SCN4A: variants seen among roughly 807,000 people sequenced by gnomAD.
SCN4A encodes sodium channel protein type 4 subunit alpha.
SCN4A carries 83 observed loss-of-function variants against 162.0 expected under a neutral mutation model. The ratio of observed to expected loss-of-function variants is 0.51; its 90% confidence interval spans 0.43 to 0.61. The LOEUF (loss-of-function observed/expected upper bound fraction) is 0.61, where lower values mean the gene tolerates loss of function less well. SCN4A is among the 20% of genes least tolerant of loss of function. SCN4A has a pLI of 0.00. For synonymous variants in SCN4A, 944 were observed against 985.1 expected, an observed-to-expected ratio of 0.96 and a Z score of 0.78; for missense variants, 2,196 against 2,462.5, an observed-to-expected ratio of 0.89 and a Z score of 2.29.
chr17:63,962,908 T>C (rs1195606351), intron 10 of SCN4A, among the ~76,000 whole-genome samples: 1 of 152,188 alleles, frequency 6.6e-6, no homozygotes, highest in Non-Finnish European at 1.5e-5. Flanking sequence ...TCAGGTGACA[T>C]GGTGACCTCT....
rs747569656 is a variant in SCN4A, at chr17:63,963,744, T to C, written c.1534A>G (p.Thr512Ala). The C allele has an allele frequency of 6.2e-7, 1 of 1,609,142 alleles. No homozygotes were observed. Among genetic ancestry groups the C allele is most frequent in the Non-Finnish European group, 8.5e-7 (1 of 1,178,106 alleles). Residue 512 changes from threonine (T) to alanine (A), a missense_variant, in exon 10 of 24, where the codon ACA (threonine) becomes GCA (alanine). Physicochemically the swap from Thr to Ala is moderately conservative, Grantham distance 58. Coordinates refer to ENST00000435607, the MANE Select transcript of SCN4A (RefSeq NM_000334.4). ...GGGGCTCCCTTCTCCCCTTGCGATG[T>C]GTCCAGGCTGCCATTGCAGTCTTTG... The part of the protein sequence containing the change: ...HGKDCNGSLD[T>A]SQGEKGAPRQ...
Position 63,951,461 on chromosome 17 carries a change from T to A in SCN4A, c.2816A>T (p.Glu939Val). 1 of 1,606,726 alleles carries A rather than the reference T, an allele frequency of 6.2e-7. No individual in the cohort carries two copies. Among genetic ancestry groups the A allele is most frequent in the South Asian group, 1.1e-5 (1 of 90,948 alleles). ...AGGCTCTGAGAAAGTGTCGGTTTCCTCCTCGGTGGGCATCTCCAGGTCGGA... is the reference window on the plus strand; with the variant it reads ...AGGCTCTGAGAAAGTGTCGGTTTCCACCTCGGTGGGCATCTCCAGGTCGGA... The part of the protein sequence containing the change: ...EESDLEMPTE[E>V]ETDTFSEPED... Residue 939 changes from glutamate (E) to valine (V), a missense_variant, in exon 14 of 24, where the codon GAG becomes GTG. Glu to Val is a moderately radical substitution (Grantham distance 121). Transcript: ENST00000435607. This position sits in a 1 kb window ranked among gnomAD's most constrained non-coding sequence, Gnocchi z 4.5.
chr17:63,965,826 G>C (rs1286706454), intron 8 of SCN4A, among the ~76,000 whole-genome samples: 1 of 152,244 alleles, frequency 6.6e-6, no homozygotes, highest in Non-Finnish European at 1.5e-5. Flanking sequence ...TGGCTATCAT[G>C]AGGCCTAGGG....
intron 9 of SCN4A, 58 bp from the exon 10 acceptor site, chr17:63,963,883 T>C: frequency 6.8e-7 from 1 of 1,474,320 alleles, no homozygotes; most frequent in Non-Finnish European, 9.2e-7. Context: ...AGGGATGGAC[T>C]AATTGACCCT....
chr17:63,967,502 G>A (rs1343152503), intron 6 of SCN4A, among the ~76,000 whole-genome samples: 1 of 152,154 alleles, frequency 6.6e-6, no homozygotes, highest in Non-Finnish European at 1.5e-5. Context: ...GTAACCCTTT[G>A]AGGAAGGTAT....
chr17:63,968,430 C>T, intron 5 of SCN4A, 75 bp from the exon 6 acceptor site: 2 of 1,274,652 alleles, frequency 1.6e-6, no homozygotes, highest in South Asian at 1.4e-5. Flanking sequence ...GCCCCCACCG[C>T]CAAGCTTTTT....
intron 17 of SCN4A, 32 bp downstream of exon 17, chr17:63,947,858 T>G: frequency 6.2e-7 from 1 of 1,608,560 alleles, no homozygotes; most frequent in Non-Finnish European, 8.5e-7. Context: ...AGCCTCTGGA[T>G]GTAGCTACGG....
In SCN4A at chr17:63,962,186, G is replaced by C. The variant is rs945077354; in HGVS notation, c.1607-755C>G. Among the ~76,000 whole-genome samples, 12 of 152,316 alleles carry C rather than the reference G, an allele frequency of 7.9e-5. No homozygotes were observed. In the East Asian group the frequency reaches 2.3e-3, roughly 29 times the overall value. On this transcript the variant is annotated intron_variant, in intron 10 of 23. Coordinates refer to ENST00000435607, the MANE Select transcript of SCN4A (RefSeq NM_000334.4). ...CCTGTGAGATGCCCTAATCTGTCTG[G>C]GTCCGAGTTCCCAGGGAGAGGCGGG...
At chr17:63,943,895 C>T in intron 21 of SCN4A, 45 bp from the exon 22 acceptor site, 1 of 1,319,678 alleles carries the variant, frequency 7.6e-7, no homozygotes, top group Non-Finnish European at 1.1e-6. Context: ...AGTTCCCCTT[C>T]CTGCCTCCAG....
intron 22 of SCN4A, 99 bp downstream of exon 22, chr17:63,943,647 C>G (rs1908617618): frequency 2.7e-6 from 2 of 753,746 alleles, no homozygotes; most frequent in African/African-American, 3.5e-5. Flanking sequence ...CCCAGGGACA[C>G]AGCCTGGTGG....
chr17:63,955,440 C>T lies in SCN4A; in HGVS notation c.2376+1722G>A, dbSNP rs899791187. Among the ~76,000 whole-genome samples, 10 of 152,176 alleles carry T rather than the reference C, an allele frequency of 6.6e-5. No homozygotes were observed. The East Asian group carries it at 1.7e-3, about 26-fold the overall frequency. On this transcript the variant is annotated intron_variant, in intron 13 of 23. Coordinates refer to ENST00000435607, the MANE Select transcript of SCN4A (RefSeq NM_000334.4). The stretch of plus-strand genomic sequence containing the variant: ...TTTGGTAAGCACTTGTAAGCGCATG[C>T]GTAACATAATCCTTGCAACCACCCA...
In SCN4A at chr17:63,963,816, C is replaced by T. The variant is rs185941768; in HGVS notation, c.1462G>A (p.Ala488Thr). The change falls in exon 10 of 24, where the codon GCC becomes ACC. Residue 488 changes from alanine (A) to threonine (T), a missense_variant. Coordinates refer to ENST00000435607, the MANE Select transcript of SCN4A (RefSeq NM_000334.4). The stretch of plus-strand genomic sequence containing the variant: ...GCCTCCCCACCTTCCAGAGCTTGGG[C>T]GGCCTTGGCCTGTAGACCAGCAAGA... ...HQEELEKAKAAQALEGGEADG... is the reference protein window; with the variant it reads ...HQEELEKAKATQALEGGEADG... The T allele has an allele frequency of 5.0e-4, 796 of 1,600,316 alleles. No individual in the cohort carries two copies. The highest frequency in any genetic ancestry group is 5.9e-4 in the Non-Finnish European group (696 of 1,173,688).
At position 63,941,824 on chromosome 17, in the gene SCN4A, G is replaced by A. The variant is rs764119407; in HGVS notation, c.4458C>T (p.Gly1486=). ...TGAACATGACCAGGAAGAGGAGGAGGCCGATGTTGAAGAGGGCAGGCAGCG... is the reference window on the plus strand; with the variant it reads ...TGAACATGACCAGGAAGAGGAGGAGACCGATGTTGAAGAGGGCAGGCAGCG... ...MMSLPALFNI[G]LLLFLVMFIY... is the part of the protein sequence containing the mutation. Residue 1486 remains glycine, a synonymous_variant, in exon 24 of 24, where the codon GGC becomes GGT. Coordinates refer to ENST00000435607, the MANE Select transcript of SCN4A (RefSeq NM_000334.4). The surrounding 1 kb of genome is among the most constrained non-coding windows in gnomAD (Gnocchi z 6.2). 1 of 1,614,218 alleles carries A rather than the reference G, an allele frequency of 6.2e-7. No homozygotes were observed. The highest frequency in any genetic ancestry group is 8.5e-7 in the Non-Finnish European group (1 of 1,180,030).
At chr17:63,960,621 G>T (rs182716910) in intron 11 of SCN4A, among the ~76,000 whole-genome samples, 54 of 152,324 alleles carry the variant, frequency 3.5e-4, no homozygotes, top group African/African-American at 1.2e-3. Context: ...AGGTGATAAT[G>T]CTCCTAATGG....
rs1567817917 is a variant in SCN4A at position 63,945,164 on chromosome 17, G to A, written c.3721-104C>T. 7 of 1,187,126 alleles carry A rather than the reference G, an allele frequency of 5.9e-6. No individual in the cohort carries two copies. Among genetic ancestry groups the A allele is most frequent in the South Asian group, 1.4e-5 (1 of 73,740 alleles). 73.5% of individuals were successfully genotyped at this position (1,187,126 alleles called of 1,614,324 possible). On this transcript the variant is annotated intron_variant, in intron 19 of 23. Coordinates refer to ENST00000435607, the MANE Select transcript of SCN4A (RefSeq NM_000334.4). The surrounding 1 kb of genome is among the most constrained non-coding windows in gnomAD (Gnocchi z 4.4). ...ACCTGGTCCTCCCCTGCCAGAGGCC[G>A]CCTGCCAGAGCCCCACTGGGCTAGC...
chr17:63,946,470 C>G (rs866413991), intron 18 of SCN4A, among the ~76,000 whole-genome samples: 5,394 of 131,196 alleles, frequency 0.041, 485 homozygotes, highest in African/African-American at 0.16. Context: ...TTGCCCCCCC[C>G]CCCACCCCGC....
chr17:63,953,818 C>G (rs1460260740), intron 13 of SCN4A, among the ~76,000 whole-genome samples: 1 of 152,176 alleles, frequency 6.6e-6, no homozygotes. Flanking sequence ...GGTGGCGTGG[C>G]CTGCTCTAGG....
rs764554219 is a variant in SCN4A, at chr17:63,940,774, G to C, written c.5508C>G (p.Val1836=). The C allele has an allele frequency of 7.7e-6, 12 of 1,566,142 alleles. No homozygotes were observed. The South Asian group carries it at 1.2e-4, about 15-fold the overall frequency. ...TVRPGVKESL[V] ...TGGGCCACCCCGATGCTGCCTGCTAGACAAGAGACTCCTTGACACCTGGGC... is the reference window on the plus strand; with the variant it reads ...TGGGCCACCCCGATGCTGCCTGCTACACAAGAGACTCCTTGACACCTGGGC... The change falls in exon 24 of 24, where the codon GTC becomes GTG. Residue 1836 remains valine, a synonymous_variant. Transcript: ENST00000435607.
intron 9 of SCN4A, among the ~76,000 whole-genome samples, 182 bp from the exon 10 acceptor site, chr17:63,964,007 G>T (rs1909354923): frequency 6.6e-6 from 1 of 152,104 alleles, no homozygotes; most frequent in South Asian, 2.1e-4. Context: ...ACAGGGTAGG[G>T]ACCAAAGTGA....
Sources: gnomAD v4.1 joint callset for allele counts (sites outside exome capture counted in the v4.1 genomes callset) on GRCh38, gnomAD v4.1.1 for gene constraint, Gnocchi (gnomAD v3.1) non-coding constraint, MANE v1.5 for transcripts, NCBI Gene and HGNC (gene_info 2026-07-23, HGNC 2026-07-21) for gene names.